DOCK4: variants seen among roughly 807,000 people sequenced by gnomAD.
The protein encoded by DOCK4 is dedicator of cytokinesis protein 4.
A neutral mutation model predicts 268.1 loss-of-function variants in DOCK4; 97 were observed. That is an observed-to-expected ratio of 0.36 (90% CI 0.31 to 0.43). The LOEUF is 0.43. Ranked by LOEUF, DOCK4 falls within the 20% of genes least tolerant of loss-of-function variation. The pLI is 1.00. For synonymous variants in DOCK4, 954 were observed against 887.2 expected (o/e 1.08, Z -1.34); for missense variants, 2,145 against 2,455.7 (o/e 0.87, Z 2.67).
chr7:111,797,022 T>TA (rs936457025), intron 30 of DOCK4, among the ~76,000 whole-genome samples: 5 of 152,148 alleles, frequency 3.3e-5, no homozygotes, highest in African/African-American at 4.8e-5. Flanking sequence ...CGAAGAAGAC[T>TA]AAAAAAATGC....
chr7:112,157,263 A>G (rs1816701632), intron 1 of DOCK4, among the ~76,000 whole-genome samples: 1 of 152,186 alleles, frequency 6.6e-6, no homozygotes, highest in Non-Finnish European at 1.5e-5. Context: ...ACAGCCTGGC[A>G]ACCAAGCAAT....
chr7:112,122,186 AC>A (rs1812791795), intron 1 of DOCK4, among the ~76,000 whole-genome samples: 1 of 152,144 alleles, frequency 6.6e-6, no homozygotes, highest in Admixed American at 6.5e-5. Flanking sequence ...GTGGTAAAAA[AC>A]AAAACATAAA....
chr7:111,893,517 C>T (rs1438257374), intron 16 of DOCK4, among the ~76,000 whole-genome samples: 1 of 152,184 alleles, frequency 6.6e-6, no homozygotes, highest in Non-Finnish European at 1.5e-5. Context: ...GTTACAAAGA[C>T]ATTTATATGA....
chr7:111,804,507 G>A, intron 30 of DOCK4, among the ~76,000 whole-genome samples: 1 of 152,176 alleles, frequency 6.6e-6, no homozygotes, highest in South Asian at 2.1e-4. Flanking sequence ...TTCTAGAGAT[G>A]GATGGTGGTG....
rs190710874 is a variant in DOCK4 at position 111,928,536 on chromosome 7, G to A, written c.1066+7004C>T. On this transcript the variant is annotated intron_variant, in intron 12 of 52. Transcript: ENST00000428084. ...GTCATTAGCATGATTTAGATCGAAG[G>A]AAACAAGAGATATGACAACTGCATG... Among the ~76,000 whole-genome samples, 504 of 151,288 alleles carry A rather than the reference G, an allele frequency of 3.3e-3. 1 individual carries two copies. Among genetic ancestry groups the A allele is most frequent in the Middle Eastern group, 0.024 (7 of 288 alleles).
In DOCK4 at chr7:111,829,354, T is replaced by C. The variant is rs189246087; in HGVS notation, c.2835+5234A>G. 6.1e-4 allele frequency among the ~76,000 whole-genome samples: 93 copies of C among 152,270 alleles called. 3 individuals carry two copies. The East Asian group carries it at 0.016, about 26-fold the overall frequency. ...CTGAGCAATGAGCTCAGGATGTTAA[T>C]AGAATTCCTAGTTCTCCCAATTACT... is the stretch of plus-strand genomic sequence containing the variant. On this transcript the variant is annotated intron_variant, in intron 26 of 52. Coordinates refer to ENST00000428084, the MANE Select transcript of DOCK4 (RefSeq NM_001363540.2).
At chr7:111,890,244 C>T (rs2134345812) in intron 16 of DOCK4, among the ~76,000 whole-genome samples, 1 of 152,012 alleles carries the variant, frequency 6.6e-6, no homozygotes, top group East Asian at 1.9e-4. Flanking sequence ...TTAACTTTTT[C>T]TTAATTCTTT....
chr7:111,851,299 C>T (rs1804526101), intron 23 of DOCK4, among the ~76,000 whole-genome samples: 1 of 152,018 alleles, frequency 6.6e-6, no homozygotes, highest in Non-Finnish European at 1.5e-5. Flanking sequence ...AAAAAATTAG[C>T]TGGGCGTGGC....
At chr7:111,804,631 G>A (rs993731371) in intron 30 of DOCK4, among the ~76,000 whole-genome samples, 2 of 151,370 alleles carry the variant, frequency 1.3e-5, no homozygotes, top group African/African-American at 2.4e-5. Flanking sequence ...ACAGAGTCTC[G>A]CTCTGTCCCC....
At chr7:111,764,526 G>C (rs1465305414) in intron 39 of DOCK4, among the ~76,000 whole-genome samples, 1 of 152,182 alleles carries the variant, frequency 6.6e-6, no homozygotes, top group African/African-American at 2.4e-5. Context: ...TTCAAGCATA[G>C]AAGACACTAC....
chr7:111,854,802 T>A (rs1181010245), intron 23 of DOCK4, among the ~76,000 whole-genome samples: 2 of 152,238 alleles, frequency 1.3e-5, no homozygotes, highest in Non-Finnish European at 2.9e-5. Flanking sequence ...AAGCTAAAGA[T>A]ATCATTGTGA....
intron 41 of DOCK4, among the ~76,000 whole-genome samples, chr7:111,758,026 G>C (rs1797149220): frequency 6.6e-6 from 1 of 152,016 alleles, no homozygotes; most frequent in Admixed American, 6.5e-5. Context: ...AGGCGTGTTG[G>C]AACTACTGAG....
At chr7:112,046,338 T>C (rs1804821644) in intron 1 of DOCK4, among the ~76,000 whole-genome samples, 1 of 152,058 alleles carries the variant, frequency 6.6e-6, no homozygotes, top group Non-Finnish European at 1.5e-5. Flanking sequence ...TTTAAGAAAA[T>C]TCAGACAATT....
chr7:111,893,626 T>C (rs1163817229), intron 16 of DOCK4, among the ~76,000 whole-genome samples: 1 of 152,210 alleles, frequency 6.6e-6, no homozygotes, highest in Non-Finnish European at 1.5e-5. Flanking sequence ...GATAAATAGA[T>C]CATCCCCGCA....
rs75671944 is a variant in DOCK4 at position 111,955,469 on chromosome 7, G to A, written c.702-9671C>T. ...TTGGCACATAAAGAATTTGGGTTTA[G>A]TTGAATGACACAACAGGAGACATAT... On this transcript the variant is annotated intron_variant, in intron 8 of 52. Coordinates refer to ENST00000428084, the MANE Select transcript of DOCK4 (RefSeq NM_001363540.2). Among the ~76,000 whole-genome samples the A allele has an allele frequency of 3.9e-4, 59 of 152,292 alleles. No homozygotes were observed. The East Asian group carries it at 0.01, about 26-fold the overall frequency.
At position 111,772,754 on chromosome 7, in the gene DOCK4, C is replaced by A. The variant is rs113483444; in HGVS notation, c.3680-3077G>T. Among the ~76,000 whole-genome samples the A allele has an allele frequency of 4.1e-3, 627 of 152,260 alleles. 6 individuals are homozygous for A. The highest frequency in any genetic ancestry group is 0.015 in the African/African-American group (605 of 41,546). Reference sequence around the variant, plus strand: ...GAGGTTGCAGTGAGCTGAGATCATGCCATTGCACTCCAGCCTGGGCAACAA... The same window carrying A: ...GAGGTTGCAGTGAGCTGAGATCATGACATTGCACTCCAGCCTGGGCAACAA... On this transcript the variant is annotated intron_variant, in intron 36 of 52. Transcript: ENST00000428084.
At chr7:111,938,869 G>A (rs541699500) in intron 11 of DOCK4, among the ~76,000 whole-genome samples, 1 of 151,914 alleles carries the variant, frequency 6.6e-6, no homozygotes, top group East Asian at 1.9e-4. Flanking sequence ...CAGCTACTCA[G>A]GAGGCTGAGG....
chr7:111,836,627 A>G (rs1803264252), intron 25 of DOCK4, among the ~76,000 whole-genome samples: 1 of 152,186 alleles, frequency 6.6e-6, no homozygotes, highest in Admixed American at 6.5e-5. Context: ...ACTGTATTCT[A>G]ATTTTTCAGG....
Position 111,755,501 on chromosome 7 carries a change from G to GC in DOCK4, c.4416+13dup, listed in dbSNP as rs1563457962. On this transcript the variant is annotated intron_variant, in intron 42 of 52. Transcript: ENST00000428084. ...GTGATGAGAAAGTGCTTGAGAACAA[G>GC]CTCTGATCCTTACCACTTCACGCTT... is the stretch of plus-strand genomic sequence containing the variant. 2 of 1,613,096 alleles carry GC rather than the reference G, an allele frequency of 1.2e-6. No individual in the cohort carries two copies. The highest frequency in any genetic ancestry group is 1.7e-6 in the Non-Finnish European group (2 of 1,179,162).
Sources: gnomAD v4.1 joint callset for allele counts (sites outside exome capture counted in the v4.1 genomes callset) on GRCh38, gnomAD v4.1.1 for gene constraint, MANE v1.5 for transcripts, NCBI Gene and HGNC (gene_info 2026-07-23, HGNC 2026-07-21) for gene names.